LRRN1: variants seen among roughly 807,000 people sequenced by gnomAD.
The protein encoded by LRRN1 is leucine rich repeat neuronal 1.
A neutral mutation model predicts 45.8 loss-of-function variants in LRRN1; 14 were observed. That is an observed-to-expected ratio of 0.31 (90% CI 0.20 to 0.48). LRRN1 has a LOEUF of 0.48. LRRN1 is among the 20% of genes least tolerant of loss of function. The probability of loss-of-function intolerance (pLI) is 0.99; values close to 1 mark genes in which losing one functional copy is unlikely to be tolerated. For missense variants in LRRN1, 789 were observed against 874.2 expected (o/e 0.90, Z 1.23); for synonymous variants, 359 against 330.1 (o/e 1.09, Z -0.95).
intron 1 of LRRN1, among the ~76,000 whole-genome samples, chr3:3,842,897 T>G (rs1428815435): frequency 6.6e-6 from 1 of 152,200 alleles, no homozygotes; most frequent in Non-Finnish European, 1.5e-5. Flanking sequence ...AATATTATCT[T>G]TGCCAGCAGG....
At chr3:3,834,554 G>C (rs1339995569) in intron 1 of LRRN1, among the ~76,000 whole-genome samples, 1 of 15,304 alleles carries the variant, frequency 6.5e-5, no homozygotes, top group Non-Finnish European at 1.6e-4. Flanking sequence ...ATATATATAT[G>C]ATATATATAT....
At chr3:3,812,605 G>C (rs1015533523) in intron 1 of LRRN1, among the ~76,000 whole-genome samples, 3 of 152,186 alleles carry the variant, frequency 2.0e-5, no homozygotes, top group African/African-American at 7.2e-5. Context: ...CTATACCGAA[G>C]AGATATGTCA....
At chr3:3,838,706 T>A (rs143415125) in intron 1 of LRRN1, among the ~76,000 whole-genome samples, 175 of 152,312 alleles carry the variant, frequency 1.1e-3, no homozygotes, top group African/African-American at 3.8e-3. Context: ...TCTGTTGTGA[T>A]AGTGTCCATC....
rs6764129 is a variant in LRRN1, at chr3:3,808,679, C to T, written c.-279+8760C>T. ...GTTAAAGTGCTTGGCTATATTTCTT[C>T]CTCTTTAATTGCAGCTATAAAACAA... On this transcript the variant is annotated intron_variant, in intron 1 of 1. Transcript: ENST00000319331. Among the ~76,000 whole-genome samples, 302 of 152,276 alleles carry T rather than the reference C, an allele frequency of 2.0e-3. 2 individuals are homozygous for T. The highest frequency in any genetic ancestry group is 6.8e-3 in the African/African-American group (282 of 41,548).
intron 1 of LRRN1, among the ~76,000 whole-genome samples, chr3:3,835,145 A>G (rs377350301): frequency 3.3e-5 from 5 of 152,204 alleles, no homozygotes; most frequent in Admixed American, 6.5e-5. Flanking sequence ...TCAGCTTATG[A>G]TAGGGTTACG....
rs77665250 is a variant in LRRN1, at chr3:3,806,284, C to T, written c.-279+6365C>T. Among the ~76,000 whole-genome samples, 1,723 of 152,226 alleles carry T rather than the reference C, an allele frequency of 0.011. 69 individuals carry two copies. In the East Asian group the frequency reaches 0.15, roughly 13 times the overall value. On this transcript the variant is annotated intron_variant, in intron 1 of 1. Transcript: ENST00000319331. ...AAGGAGACTGACAAGTGCAGCATAG[C>T]GTGCTATGATGGTGGGAGTGCAGGC...
chr3:3,846,005 C>A lies in LRRN1; in HGVS notation c.1364C>A (p.Pro455His). The part of the protein sequence containing the change: ...LDCRAMAEPE[P>H]EIYWVTPIGN... ...TGTCGAGCCATGGCTGAGCCAGAAC[C>A]TGAAATTTACTGGGTCACTCCCATT... Residue 455 changes from proline to histidine, a missense_variant, in exon 2 of 2, where the codon CCT becomes CAT. Physicochemically the swap from Pro to His is moderately conservative, Grantham distance 77 (BLOSUM62 -2). Transcript: ENST00000319331. The surrounding 1 kb of genome is among the most constrained non-coding windows in gnomAD (Gnocchi z 5.7). 1 of 1,613,896 alleles carries A rather than the reference C, an allele frequency of 6.2e-7. No individual in the cohort carries two copies. The highest frequency in any genetic ancestry group is 8.5e-7 in the Non-Finnish European group (1 of 1,179,796).
chr3:3,821,174 T>G (rs553016601), intron 1 of LRRN1, among the ~76,000 whole-genome samples: 1 of 152,202 alleles, frequency 6.6e-6, no homozygotes, highest in Admixed American at 6.5e-5. Context: ...TTTGGAGATA[T>G]AGGGCTGTGC....
Position 3,846,876 on chromosome 3 carries a change from T to C in LRRN1, c.*84T>C, listed in dbSNP as rs1261142800. On this transcript the variant is annotated 3_prime_UTR_variant, in exon 2 of 2. Coordinates refer to ENST00000319331, the MANE Select transcript of LRRN1 (RefSeq NM_020873.7). The surrounding 1 kb of genome is among the most constrained non-coding windows in gnomAD (Gnocchi z 5.7). ...GCAAAAGTGAACAAGTTGAAGACTT[T>C]TGTATTTTTGACTTTGCTAGTTTGT... 2 of 1,191,232 alleles carry C rather than the reference T, an allele frequency of 1.7e-6. No homozygotes were observed. Among genetic ancestry groups the C allele is most frequent in the African/African-American group, 3.1e-5 (2 of 64,464 alleles). 73.8% of individuals were successfully genotyped at this position (1,191,232 alleles called of 1,614,324 possible).
rs71040093 is a variant in LRRN1 at position 3,834,525 on chromosome 3, GATATATATATATATATAT to G, written c.-278-9828_-278-9811del. Among the ~76,000 whole-genome samples, 5 of 27,310 alleles carry G rather than the reference GATATATATATATATATAT, an allele frequency of 1.8e-4. 1 individual carries two copies. Among genetic ancestry groups the G allele is most frequent in the Non-Finnish European group, 9.9e-5 (1 of 10,064 alleles). The allele number at this position is 27,310 out of a possible 152,430, so 17.9% of individuals were successfully genotyped here. A position where few individuals can be genotyped will look rare whatever the true frequency, so the allele number is the denominator to read the frequency against. On this transcript the variant is annotated intron_variant, in intron 1 of 1. Coordinates refer to ENST00000319331, the MANE Select transcript of LRRN1 (RefSeq NM_020873.7). The stretch of plus-strand genomic sequence containing the variant: ...GCGTTCTCTTAGAGGGACAGAACAG[GATATATATATATATATAT>G]ATATATATATGATATATATATTATT...
chr3:3,837,019 G>A (rs184718857), intron 1 of LRRN1, among the ~76,000 whole-genome samples: 1 of 152,230 alleles, frequency 6.6e-6, no homozygotes, highest in African/African-American at 2.4e-5. Flanking sequence ...TGGGAAGGAG[G>A]TGTGAAGGAA....
chr3:3,841,186 A>C (rs1402334558), intron 1 of LRRN1, among the ~76,000 whole-genome samples: 3 of 151,650 alleles, frequency 2.0e-5, no homozygotes, highest in African/African-American at 7.3e-5. Context: ...AGCTACTCAC[A>C]AGGCTAAGGC....
In LRRN1 at chr3:3,848,269, T is replaced by G. The variant is rs943883168; in HGVS notation, c.*1477T>G. On this transcript the variant is annotated 3_prime_UTR_variant, in exon 2 of 2. Transcript: ENST00000319331. ...TTCATCCAAATATATATAGACAGTT[T>G]TGGAGAATTGTTTCAAGATTATAGA... Among the ~76,000 whole-genome samples, 1 of 152,178 alleles carries G rather than the reference T, an allele frequency of 6.6e-6. No individual in the cohort carries two copies. The highest frequency in any genetic ancestry group is 1.5e-5 in the Non-Finnish European group (1 of 68,024).
Position 3,844,618 on chromosome 3 carries a change from G to A in LRRN1, c.-24G>A. The A allele has an allele frequency of 6.3e-7, 1 of 1,585,504 alleles. No individual in the cohort carries two copies. The highest frequency in any genetic ancestry group is 8.6e-7 in the Non-Finnish European group (1 of 1,162,326). ...TTGTTAAAACTTTGGGGTGTCAGGA[G>A]TTGAGCTTGCTCAGCAAGCCAGCAT... On this transcript the variant is annotated 5_prime_UTR_variant, in exon 2 of 2. Transcript: ENST00000319331.
At chr3:3,837,227 C>T (rs1693540126) in intron 1 of LRRN1, among the ~76,000 whole-genome samples, 2 of 152,162 alleles carry the variant, frequency 1.3e-5, no homozygotes, top group South Asian at 4.1e-4. Flanking sequence ...ACTTTCCATG[C>T]AGTATCAAGC....
At chr3:3,801,901 A>G (rs1575275702) in intron 1 of LRRN1, among the ~76,000 whole-genome samples, 1 of 152,144 alleles carries the variant, frequency 6.6e-6, no homozygotes, top group African/African-American at 2.4e-5. Context: ...TGACCCCTCA[A>G]CTTTTCGAGT....
chr3:3,815,366 C>T (rs1692966353), intron 1 of LRRN1, among the ~76,000 whole-genome samples: 1 of 152,130 alleles, frequency 6.6e-6, no homozygotes, highest in South Asian at 2.1e-4. Flanking sequence ...CCCCACCTCC[C>T]CTGCCACTGC....
intron 1 of LRRN1, among the ~76,000 whole-genome samples, chr3:3,824,885 C>G (rs149383184): frequency 6.6e-6 from 1 of 152,136 alleles, no homozygotes. Flanking sequence ...CTGAGGTGTC[C>G]TCTGCAAAAT....
chr3:3,838,168 T>C (rs1461314919), intron 1 of LRRN1, among the ~76,000 whole-genome samples: 1 of 152,174 alleles, frequency 6.6e-6, no homozygotes, highest in East Asian at 1.9e-4. Context: ...CCCTATTTAA[T>C]AAATGGTCCT....
Sources: allele counts gnomAD v4.1 joint callset (sites outside exome capture counted in the v4.1 genomes callset), GRCh38; gene constraint gnomAD v4.1.1; non-coding constraint Gnocchi (gnomAD v3.1); transcripts MANE v1.5; gene names NCBI Gene and HGNC (gene_info 2026-07-23, HGNC 2026-07-21).